Variants in USP34 observed in about 807,000 individuals in gnomAD.
The protein encoded by USP34 is ubiquitin carboxyl-terminal hydrolase 34.
In USP34, 70 loss-of-function variants were observed where a neutral mutation model predicts 460.3. The ratio of observed to expected loss-of-function variants is 0.15; its 90% CI spans 0.13 to 0.19. The LOEUF (loss-of-function observed/expected upper bound fraction) is 0.19, where lower values mean the gene tolerates loss of function less well. Among genes scored for constraint, USP34 ranks in the 10% least tolerant of loss-of-function variants. The probability of loss-of-function intolerance (pLI) is 1.00; values close to 1 mark genes in which losing one functional copy is unlikely to be tolerated. For missense variants in USP34, 3,985 were observed against 4,236.2 expected, an observed-to-expected ratio of 0.94 and a Z score of 1.65; for synonymous variants, 1,647 against 1,405.3, an observed-to-expected ratio of 1.17 and a Z score of -3.85.
intron 3 of USP34, among the ~76,000 whole-genome samples, chr2:61,402,464 C>T (rs1457791596): frequency 6.6e-6 from 1 of 152,122 alleles, no homozygotes; most frequent in Non-Finnish European, 1.5e-5. Flanking sequence ...GTAATTAGTT[C>T]AAAATGATTT....
chr2:61,344,627 C>T (rs1691707234), intron 15 of USP34, among the ~76,000 whole-genome samples: 1 of 152,126 alleles, frequency 6.6e-6, no homozygotes, highest in African/African-American at 2.4e-5. Flanking sequence ...AAAATTAAAT[C>T]ATTAGGTCTT....
chr2:61,202,192 C>T (rs1182948329), intron 75 of USP34, among the ~76,000 whole-genome samples: 3 of 152,200 alleles, frequency 2.0e-5, no homozygotes, highest in Non-Finnish European at 4.4e-5. Flanking sequence ...GGTAGGGTCA[C>T]ATCTTCTGCC....
At chr2:61,260,959 T>A (rs528387244) in intron 43 of USP34, among the ~76,000 whole-genome samples, 1 of 152,372 alleles carries the variant, frequency 6.6e-6, no homozygotes, top group East Asian at 1.9e-4. Context: ...TATATGTATT[T>A]ACTACTTAAA....
Position 61,214,233 on chromosome 2 carries a change from C to A in USP34, c.8509G>T (p.Asp2837Tyr). 1 of 1,614,220 alleles carries A rather than the reference C, an allele frequency of 6.2e-7. No individual in the cohort carries two copies. Among genetic ancestry groups the A allele is most frequent in the South Asian group, 1.1e-5 (1 of 91,082 alleles). ...KNIAFNYILA[D>Y]HDDQDVVLFN... ...AGCACCACATCCTGATCATCATGGT[C>A]AGCAAGGATGTAATTGAAGGCAATG... The change falls in exon 68 of 80, where the codon GAC becomes TAC. Residue 2837 changes from aspartate to tyrosine, a missense_variant. Asp to Tyr is a radical substitution (Grantham distance 160). Transcript: ENST00000398571.
In USP34 at chr2:61,228,859, G is replaced by C; in HGVS notation, c.7336C>G (p.Leu2446Val). The change falls in exon 60 of 80, where the codon CTT (leucine) becomes GTT (valine). Residue 2446 changes from leucine to valine, a missense_variant. Transcript: ENST00000398571. ...SKHLTEYFAFLYEFAKMGEEE... is the reference protein window; with the variant it reads ...SKHLTEYFAFVYEFAKMGEEE... ...TCACCCATTTTTGCAAATTCGTAAA[G>C]GAAGGCAAAATACTCTGTAAGATGT... The C allele has an allele frequency of 6.3e-7, 1 of 1,599,912 alleles. No individual in the cohort carries two copies. The highest frequency in any genetic ancestry group is 1.3e-5 in the African/African-American group (1 of 74,368).
chr2:61,225,132 T>C (rs1251864851), intron 62 of USP34, among the ~76,000 whole-genome samples: 2 of 152,228 alleles, frequency 1.3e-5, no homozygotes, highest in Non-Finnish European at 2.9e-5. Context: ...TAACAGATTT[T>C]CTGTTTGCAA....
intron 1 of USP34, among the ~76,000 whole-genome samples, chr2:61,443,100 T>C (rs1695013015): frequency 6.6e-6 from 1 of 151,832 alleles, no homozygotes; most frequent in Admixed American, 6.6e-5. Context: ...CTCATGTAAG[T>C]AAAAAGTAGA....
chr2:61,352,613 C>A (rs1386114507), intron 10 of USP34, among the ~76,000 whole-genome samples: 1 of 150,708 alleles, frequency 6.6e-6, no homozygotes, highest in African/African-American at 2.4e-5. Flanking sequence ...CAGGAATGAG[C>A]CACTGAGCTT....
intron 30 of USP34, among the ~76,000 whole-genome samples, chr2:61,296,173 T>C (rs1690022519): frequency 1.3e-5 from 2 of 152,098 alleles, no homozygotes; most frequent in African/African-American, 4.8e-5. Context: ...GGAGGAAGGA[T>C]CACTTGAGCC....
chr2:61,223,060 A>G lies in USP34; in HGVS notation c.7749T>C (p.His2583=). ...TTTAAGACTGTTCCTTAGCACTTACATGTTCTGCAAGTCGATTATTGTATC... is the reference window on the plus strand; with the variant it reads ...TTTAAGACTGTTCCTTAGCACTTACGTGTTCTGCAAGTCGATTATTGTATC... ...LCRYNNRLAE[H]IVSMLFTSIA... The change falls in exon 64 of 80, where the codon CAT becomes CAC. Residue 2583 remains histidine (H), a splice_region_variant and synonymous_variant. Coordinates refer to ENST00000398571, the MANE Select transcript of USP34 (RefSeq NM_014709.4). The G allele has an allele frequency of 1.9e-6, 3 of 1,611,598 alleles. No individual in the cohort carries two copies. Among genetic ancestry groups the G allele is most frequent in the Admixed American group, 1.7e-5 (1 of 59,814 alleles).
At chr2:61,444,420 A>T (rs1219658926) in intron 1 of USP34, among the ~76,000 whole-genome samples, 1 of 152,190 alleles carries the variant, frequency 6.6e-6, no homozygotes, top group Non-Finnish European at 1.5e-5. Context: ...CACAAAAGCC[A>T]AAAGGATAAA....
chr2:61,415,412 T>C (rs561774640), intron 2 of USP34, among the ~76,000 whole-genome samples: 33 of 152,292 alleles, frequency 2.2e-4, no homozygotes, highest in Admixed American at 3.9e-4. Context: ...GAGAACTTTT[T>C]TGGCTCATTG....
intron 8 of USP34, among the ~76,000 whole-genome samples, chr2:61,372,623 A>G (rs551808243): frequency 3.9e-5 from 6 of 152,224 alleles, no homozygotes; most frequent in African/African-American, 1.4e-4. Flanking sequence ...AGGTGGGAGG[A>G]TCATTTGAGT....
Position 61,222,592 on chromosome 2 carries a change from A to G in USP34, c.7794+27T>C, listed in dbSNP as rs760912043. 3.8e-6 allele frequency: 6 copies of G among 1,599,288 alleles called. No individual in the cohort carries two copies. In the East Asian group the frequency reaches 1.3e-4, roughly 36 times the overall value. ...TAGCAGTGCTGAAAATTGTTTTAAA[A>G]ACATAAATTAACAAATGTTTACATA... On this transcript the variant is annotated intron_variant, in intron 65 of 79. Coordinates refer to ENST00000398571, the MANE Select transcript of USP34 (RefSeq NM_014709.4).
chr2:61,470,697 C>T lies in USP34; in HGVS notation c.-5G>A, dbSNP rs1273365797. 1.3e-6 allele frequency: 2 copies of T among 1,590,606 alleles called. No individual in the cohort carries two copies. The highest frequency in any genetic ancestry group is 2.4e-5 in the East Asian group (1 of 42,058). Reference sequence around the variant, plus strand: ...GTCTGCGCAGTTCTCGCACATCGTTCGGCCGCCGCCCCCCCCCTCCCCCGC... The same window carrying T: ...GTCTGCGCAGTTCTCGCACATCGTTTGGCCGCCGCCCCCCCCCTCCCCCGC... On this transcript the variant is annotated 5_prime_UTR_variant, in exon 1 of 80. Transcript: ENST00000398571.
In USP34 at chr2:61,451,062, G is replaced by A. The variant is rs565182995; in HGVS notation, c.43+19588C>T. On this transcript the variant is annotated intron_variant, in intron 1 of 79. Coordinates refer to ENST00000398571, the MANE Select transcript of USP34 (RefSeq NM_014709.4). ...GTGAAACCCCATCTCTACTAAAAAT[G>A]TAAAAAAAATTGGCTGGGCATGGTG... 5.3e-5 allele frequency among the ~76,000 whole-genome samples: 8 copies of A among 150,774 alleles called. No homozygotes were observed. The South Asian group carries it at 1.7e-3, about 32-fold the overall frequency.
At chr2:61,221,008 T>A (rs999177947) in intron 66 of USP34, among the ~76,000 whole-genome samples, 1 of 152,210 alleles carries the variant, frequency 6.6e-6, no homozygotes, top group African/African-American at 2.4e-5. Context: ...ATTGCTCATA[T>A]GCTACCACAG....
chr2:61,254,150 C>T (rs1437397969), intron 48 of USP34, among the ~76,000 whole-genome samples: 1 of 152,166 alleles, frequency 6.6e-6, no homozygotes, highest in African/African-American at 2.4e-5. Context: ...TGGAAAAACC[C>T]AATGCTTTTA....
chr2:61,251,405 ATT>A lies in USP34; in HGVS notation c.6222-2724_6222-2723del, dbSNP rs1688578631. ...CTTATATTACACTATTGTAGAAAAT[ATT>A]GTTTAATTTAAATGAATGCAGGTTG... On this transcript the variant is annotated intron_variant, in intron 48 of 79. Coordinates refer to ENST00000398571, the MANE Select transcript of USP34 (RefSeq NM_014709.4). Among the ~76,000 whole-genome samples the A allele has an allele frequency of 3.3e-5, 5 of 152,360 alleles. No individual in the cohort carries two copies. The South Asian group carries it at 1.0e-3, about 32-fold the overall frequency.
Sources: allele counts gnomAD v4.1 joint callset (sites outside exome capture counted in the v4.1 genomes callset), GRCh38; gene constraint gnomAD v4.1.1; transcripts MANE v1.5; gene names NCBI Gene and HGNC (gene_info 2026-07-23, HGNC 2026-07-21).